The following RBFOX1 variants were observed in gnomAD, a reference collection of about 807,000 sequenced individuals.
RBFOX1 encodes RNA binding protein fox-1 homolog 1.
In RBFOX1, 8 loss-of-function variants were observed where a neutral mutation model predicts 57.7. That is an observed-to-expected ratio of 0.14 (90% CI 0.08 to 0.25). RBFOX1 has a LOEUF of 0.25. Ranked by LOEUF, RBFOX1 falls within the 10% of genes least tolerant of loss-of-function variation. The probability of loss-of-function intolerance (pLI) is 1.00; values close to 1 mark genes in which losing one functional copy is unlikely to be tolerated. For synonymous variants in RBFOX1, 326 were observed against 222.4 expected, an observed-to-expected ratio of 1.47 and a Z score of -4.15; for missense variants, 611 against 548.5, an observed-to-expected ratio of 1.11 and a Z score of -1.14.
At chr16:7,155,069 G>C (rs1304631568) in intron 4 of RBFOX1, among the ~76,000 whole-genome samples, 5 of 152,084 alleles carry the variant, frequency 3.3e-5, no homozygotes, top group African/African-American at 4.8e-5. Context: ...ATGTGTGTGT[G>C]TTTCTTCAAG....
chr16:6,830,650 C>G (rs1165106263), intron 3 of RBFOX1, among the ~76,000 whole-genome samples: 3 of 152,158 alleles, frequency 2.0e-5, no homozygotes, highest in Non-Finnish European at 2.9e-5. Flanking sequence ...TAGAACAGCT[C>G]TTACACAAAG....
In RBFOX1 at chr16:6,654,592, TCTC is replaced by T. The variant is rs1223341500; in HGVS notation, c.-63-10_-63-8del. On this transcript the variant is annotated splice_polypyrimidine_tract_variant and splice_region_variant and intron_variant, in intron 2 of 15. Coordinates refer to ENST00000550418, the MANE Select transcript of RBFOX1 (RefSeq NM_018723.4). The stretch of plus-strand genomic sequence containing the variant: ...TTTCTCTCACTTTCCTTTCTTTTCT[TCTC>T]TTCTCAGGATATCAAAGCAGACTGC... 1.3e-4 allele frequency: 193 copies of T among 1,504,240 alleles called. No homozygotes were observed. The East Asian group carries it at 4.8e-3, about 38-fold the overall frequency. The allele number at this position is 1,504,240 out of a possible 1,614,324, so 93.2% of individuals were successfully genotyped here. A position where few individuals can be genotyped will look rare whatever the true frequency, so the allele number is the denominator to read the frequency against.
chr16:6,322,421 C>T (rs2081918708), intron 2 of RBFOX1, among the ~76,000 whole-genome samples: 1 of 152,170 alleles, frequency 6.6e-6, no homozygotes. Context: ...CAAGCACTTG[C>T]TACACTTGGT....
intron 3 of RBFOX1, among the ~76,000 whole-genome samples, chr16:6,683,720 G>C (rs1291096116): frequency 6.6e-6 from 1 of 152,148 alleles, no homozygotes; most frequent in Non-Finnish European, 1.5e-5. Context: ...CAGGGTGTGT[G>C]AGATGGTGAG....
chr16:5,433,842 A>G (rs2067828632), intron 1 of RBFOX1, among the ~76,000 whole-genome samples: 1 of 152,104 alleles, frequency 6.6e-6, no homozygotes, highest in Non-Finnish European at 1.5e-5. Flanking sequence ...AGCGCTCAAT[A>G]CATGGTTATT....
chr16:5,494,220 C>T (rs148556626), intron 2 of RBFOX1, among the ~76,000 whole-genome samples: 63 of 152,288 alleles, frequency 4.1e-4, no homozygotes, highest in African/African-American at 1.5e-3. Flanking sequence ...GTCTCCTTGG[C>T]GGATGCTACC....
At chr16:6,613,595 T>G (rs1037760609) in intron 2 of RBFOX1, among the ~76,000 whole-genome samples, 5 of 152,194 alleles carry the variant, frequency 3.3e-5, no homozygotes, top group African/African-American at 1.2e-4. Flanking sequence ...GGTTGAAATC[T>G]AATTCCATAA....
intron 4 of RBFOX1, among the ~76,000 whole-genome samples, chr16:7,363,335 G>A (rs529387749): frequency 6.6e-6 from 1 of 152,254 alleles, no homozygotes; most frequent in Non-Finnish European, 1.5e-5. Flanking sequence ...TACTTACAAC[G>A]TGTGAGACTT....
At chr16:5,856,604 T>TATATATATATATACAA (rs776623035) in intron 3 of RBFOX1, among the ~76,000 whole-genome samples, 1 of 68,110 alleles carries the variant, frequency 1.5e-5, no homozygotes, top group Non-Finnish European at 3.0e-5. Flanking sequence ...TATATATATA[T>TATATATATATATACAA]AATCTTAGCC....
intron 2 of RBFOX1, among the ~76,000 whole-genome samples, chr16:6,651,857 T>A (rs913081196): frequency 2.6e-5 from 4 of 152,190 alleles, no homozygotes; most frequent in Non-Finnish European, 5.9e-5. Flanking sequence ...AAATGTGGTC[T>A]CTCCATACAA....
rs112698840 is a variant in RBFOX1 at position 7,066,932 on chromosome 16, A to C, written c.27+14834A>C. Among the ~76,000 whole-genome samples the C allele has an allele frequency of 4.3e-3, 654 of 152,346 alleles. 5 individuals carry two copies. The highest frequency in any genetic ancestry group is 0.015 in the African/African-American group (614 of 41,578). On this transcript the variant is annotated intron_variant, in intron 4 of 15. Transcript: ENST00000550418. ...TCTAAAAACAGATTACTCATGTGGTAGTTTATATACCAAACTGTAGAATTT... is the reference window on the plus strand; with the variant it reads ...TCTAAAAACAGATTACTCATGTGGTCGTTTATATACCAAACTGTAGAATTT...
chr16:6,469,220 A>C (rs1398513243), intron 2 of RBFOX1, among the ~76,000 whole-genome samples: 1 of 152,160 alleles, frequency 6.6e-6, no homozygotes, highest in Non-Finnish European at 1.5e-5. Context: ...AAATATAGAG[A>C]AGTAGAGGGA....
chr16:5,460,648 A>C (rs1288409578), intron 1 of RBFOX1, among the ~76,000 whole-genome samples: 2 of 152,166 alleles, frequency 1.3e-5, no homozygotes, highest in Non-Finnish European at 2.9e-5. Context: ...AAGGGTGAGG[A>C]ATGTTCTGTA....
chr16:5,802,390 G>C lies in RBFOX1; in HGVS notation c.319-64913G>C, dbSNP rs138449620. ...AGTCTTCCCAAAGGATGGCTGGACTGTAAAACATGCAAACAAGGGTGGGAT... is the reference window on the plus strand; with the variant it reads ...AGTCTTCCCAAAGGATGGCTGGACTCTAAAACATGCAAACAAGGGTGGGAT... On this transcript the variant is annotated intron_variant, in intron 3 of 19. Transcript: ENST00000641259. Among the ~76,000 whole-genome samples, 555 of 152,236 alleles carry C rather than the reference G, an allele frequency of 3.6e-3. 2 individuals carry two copies. The highest frequency in any genetic ancestry group is 0.013 in the African/African-American group (538 of 41,556).
chr16:6,066,750 G>T (rs17192699), intron 1 of RBFOX1, among the ~76,000 whole-genome samples: 1 of 151,788 alleles, frequency 6.6e-6, no homozygotes. Context: ...CCCAGGTGCC[G>T]GGTACGATGT....
intron 4 of RBFOX1, among the ~76,000 whole-genome samples, chr16:5,873,175 A>G (rs1172904640): frequency 2.0e-5 from 3 of 151,960 alleles, no homozygotes; most frequent in Non-Finnish European, 4.4e-5. Flanking sequence ...AACAACAACA[A>G]CAACAACAAC....
chr16:5,470,524 T>C (rs1189119966), intron 2 of RBFOX1, among the ~76,000 whole-genome samples: 1 of 152,166 alleles, frequency 6.6e-6, no homozygotes, highest in African/African-American at 2.4e-5. Context: ...TCCCTCTACC[T>C]TTCTATCTCA....
At position 6,525,409 on chromosome 16, in the gene RBFOX1, C is replaced by A. The variant is rs149049804; in HGVS notation, c.-63-129194C>A. On this transcript the variant is annotated intron_variant, in intron 2 of 15. Coordinates refer to ENST00000550418, the MANE Select transcript of RBFOX1 (RefSeq NM_018723.4). ...GCTGAGCCATGAAGCATTGGTAGGA[C>A]CCTGGAGACATTGAGAAGTGATGCT... is the stretch of plus-strand genomic sequence containing the variant. Among the ~76,000 whole-genome samples the A allele has an allele frequency of 2.0e-5, 3 of 152,222 alleles. No individual in the cohort carries two copies. In the East Asian group the frequency reaches 5.8e-4, roughly 29 times the overall value.
chr16:6,735,004 G>T (rs1215602682), intron 3 of RBFOX1, among the ~76,000 whole-genome samples: 1 of 152,020 alleles, frequency 6.6e-6, no homozygotes, highest in Non-Finnish European at 1.5e-5. Flanking sequence ...GCCTGTTGTG[G>T]TAGCACAGTG....
Sources: gnomAD v4.1 joint callset for allele counts (sites outside exome capture counted in the v4.1 genomes callset) on GRCh38, gnomAD v4.1.1 for gene constraint, MANE v1.5 for transcripts, NCBI Gene and HGNC (gene_info 2026-07-23, HGNC 2026-07-21) for gene names.